Variants in EPHB1 observed in about 807,000 individuals in gnomAD.
The protein encoded by EPHB1 is ephrin type-B receptor 1.
A neutral mutation model predicts 94.4 loss-of-function variants in EPHB1; 30 were observed. That is an observed-to-expected ratio of 0.32 (90% CI 0.24 to 0.43). The LOEUF (loss-of-function observed/expected upper bound fraction) is 0.43, where lower values mean the gene tolerates loss of function less well. Ranked by LOEUF, EPHB1 falls within the 20% of genes least tolerant of loss-of-function variation. The pLI is 1.00. For synonymous variants in EPHB1, 522 were observed against 489.1 expected (o/e 1.07, Z -0.89); for missense variants, 1,055 against 1,308.3 (o/e 0.81, Z 2.99).
chr3:135,031,217 C>T (rs1390038797), intron 3 of EPHB1, among the ~76,000 whole-genome samples: 3 of 152,340 alleles, frequency 2.0e-5, no homozygotes, highest in African/African-American at 7.2e-5. Flanking sequence ...TAGACTGGAG[C>T]TGTTCCTATT....
In EPHB1 at chr3:134,951,424, G is replaced by A; in HGVS notation, c.177G>A (p.Gln59=). ...DENLNTIRTY[Q]VCNVFEPNQN... Reference sequence around the variant, plus strand: ...ACCTGAACACCATCCGCACCTACCAGGTGTGCAATGTCTTCGAGCCCAACC... The same window carrying A: ...ACCTGAACACCATCCGCACCTACCAAGTGTGCAATGTCTTCGAGCCCAACC... Residue 59 remains glutamine (Q), a synonymous_variant, in exon 3 of 16, where the codon CAG becomes CAA. Transcript: ENST00000398015. This position sits in a 1 kb window ranked among gnomAD's most constrained non-coding sequence, Gnocchi z 4.5. 6.2e-7 allele frequency: 1 copy of A among 1,606,370 alleles called. No homozygotes were observed. The highest frequency in any genetic ancestry group is 8.5e-7 in the Non-Finnish European group (1 of 1,175,452).
intron 1 of EPHB1, among the ~76,000 whole-genome samples, chr3:134,825,469 A>C (rs2036461008): frequency 6.6e-6 from 1 of 152,228 alleles, no homozygotes; most frequent in South Asian, 2.1e-4. Flanking sequence ...AAAATGCCAA[A>C]GAGGACAGAA....
intron 1 of EPHB1, among the ~76,000 whole-genome samples, chr3:134,815,132 G>A (rs1330326863): frequency 6.6e-6 from 1 of 152,172 alleles, no homozygotes; most frequent in Non-Finnish European, 1.5e-5. Flanking sequence ...TGCTTTAAAG[G>A]ATATGATTTG....
At chr3:134,947,976 G>A (rs536810761) in intron 2 of EPHB1, among the ~76,000 whole-genome samples, 4 of 152,014 alleles carry the variant, frequency 2.6e-5, no homozygotes, top group East Asian at 1.9e-4. Context: ...TTTTATTTTT[G>A]TAGAGATGGG....
rs574643437 is a variant in EPHB1, at chr3:134,824,104, G to A, written c.58+28415G>A. 4.8e-5 allele frequency among the ~76,000 whole-genome samples: 6 copies of A among 125,444 alleles called. No individual in the cohort carries two copies. In the East Asian group the frequency reaches 1.5e-3, roughly 31 times the overall value. 82.3% of individuals were successfully genotyped at this position (125,444 alleles called of 152,430 possible). A position where few individuals can be genotyped will look rare whatever the true frequency, so the allele number is the denominator to read the frequency against. On this transcript the variant is annotated intron_variant, in intron 1 of 15. Transcript: ENST00000398015. The stretch of plus-strand genomic sequence containing the variant: ...CAATTTCTCTGAGTTTTCTCTGAAT[G>A]TTTACAAAAAGGATAATGCCCTTTT...
At chr3:135,037,782 A>G (rs1936691715) in intron 3 of EPHB1, among the ~76,000 whole-genome samples, 1 of 152,172 alleles carries the variant, frequency 6.6e-6, no homozygotes. Context: ...AGGTTTCATG[A>G]TTTCTGCATT....
At chr3:134,943,277 G>A (rs112206130) in intron 2 of EPHB1, among the ~76,000 whole-genome samples, 7 of 152,344 alleles carry the variant, frequency 4.6e-5, no homozygotes, top group Admixed American at 1.3e-4. Context: ...GGGTCAGTCA[G>A]AACATCAGCA....
At chr3:134,871,451 C>A (rs1278629097) in intron 1 of EPHB1, among the ~76,000 whole-genome samples, 1 of 152,144 alleles carries the variant, frequency 6.6e-6, no homozygotes, top group Non-Finnish European at 1.5e-5. Flanking sequence ...AGCTCTGGAG[C>A]TCCCAGCGGC....
At chr3:134,935,207 C>A (rs1016467547) in intron 2 of EPHB1, among the ~76,000 whole-genome samples, 4 of 152,162 alleles carry the variant, frequency 2.6e-5, no homozygotes, top group Non-Finnish European at 5.9e-5. Flanking sequence ...ACTCACAGCA[C>A]TCCCACTGGT....
intron 6 of EPHB1, 66 bp from the exon 7 acceptor site, chr3:135,161,952 G>T: frequency 2.6e-6 from 4 of 1,512,688 alleles, no homozygotes; most frequent in Non-Finnish European, 3.6e-6. Context: ...ATACTCCAGG[G>T]TGGAGTGGGC....
intron 3 of EPHB1, among the ~76,000 whole-genome samples, chr3:135,041,937 CATTT>C (rs1285608424): frequency 6.6e-6 from 1 of 152,004 alleles, no homozygotes; most frequent in Non-Finnish European, 1.5e-5. Context: ...CTCCTGCTTT[CATTT>C]ATTTATTTTC....
chr3:134,996,831 T>C (rs1935011794), intron 3 of EPHB1, among the ~76,000 whole-genome samples: 1 of 152,182 alleles, frequency 6.6e-6, no homozygotes, highest in South Asian at 2.1e-4. Context: ...CATTTTTCTA[T>C]TTAGTTGCAT....
intron 2 of EPHB1, among the ~76,000 whole-genome samples, chr3:134,926,414 C>T (rs2107702553): frequency 6.6e-6 from 1 of 152,268 alleles, no homozygotes; most frequent in East Asian, 1.9e-4. Context: ...TAGGTGTGGG[C>T]ACAGAGTTGG....
chr3:134,851,209 G>A (rs190937922), intron 1 of EPHB1, among the ~76,000 whole-genome samples: 2 of 152,360 alleles, frequency 1.3e-5, no homozygotes, highest in East Asian at 3.9e-4. Context: ...GAGCCCAGCA[G>A]GGCACACCTG....
intron 3 of EPHB1, among the ~76,000 whole-genome samples, chr3:135,051,677 G>T (rs1481435023): frequency 6.6e-6 from 1 of 152,200 alleles, no homozygotes; most frequent in Non-Finnish European, 1.5e-5. Context: ...TTTTGATGAG[G>T]CAATATGGAA....
At chr3:135,027,357 T>C (rs1247957815) in intron 3 of EPHB1, among the ~76,000 whole-genome samples, 1 of 147,128 alleles carries the variant, frequency 6.8e-6, no homozygotes, top group Non-Finnish European at 1.5e-5. Context: ...GGGTTTGTCA[T>C]AGATAGCTCT....
At chr3:135,069,133 T>C (rs1320657749) in intron 3 of EPHB1, among the ~76,000 whole-genome samples, 1 of 151,464 alleles carries the variant, frequency 6.6e-6, no homozygotes, top group African/African-American at 2.4e-5. Context: ...CATTACCTGA[T>C]CCAAGGTCAC....
chr3:135,080,196 G>T (rs1053075147), intron 3 of EPHB1, among the ~76,000 whole-genome samples: 8 of 152,168 alleles, frequency 5.3e-5, no homozygotes, highest in African/African-American at 1.9e-4. Context: ...CTGGGGAAGC[G>T]AGGTATTCCT....
Position 135,243,062 on chromosome 3 carries a change from G to A in EPHB1, c.2496+1765G>A, listed in dbSNP as rs544109918. On this transcript the variant is annotated intron_variant, in intron 13 of 15. Coordinates refer to ENST00000398015, the MANE Select transcript of EPHB1 (RefSeq NM_004441.5). ...TGCATTCCAGCCTGGGTGACAGAGC[G>A]GGACCCTGTCTCAAAAAAAAAAAAA... is the stretch of plus-strand genomic sequence containing the variant. Among the ~76,000 whole-genome samples, 7 of 141,234 alleles carry A rather than the reference G, an allele frequency of 5.0e-5. No homozygotes were observed. In the South Asian group the frequency reaches 6.8e-4, roughly 14 times the overall value. The allele number at this position is 141,234 out of a possible 152,430, so 92.7% of individuals were successfully genotyped here.
Sources: gnomAD v4.1 joint callset for allele counts (sites outside exome capture counted in the v4.1 genomes callset) on GRCh38, gnomAD v4.1.1 for gene constraint, Gnocchi (gnomAD v3.1) non-coding constraint, MANE v1.5 for transcripts, NCBI Gene and HGNC (gene_info 2026-07-23, HGNC 2026-07-21) for gene names.